Variants in CAPRIN1 observed in about 807,000 individuals in gnomAD.
CAPRIN1 encodes caprin-1.
A neutral mutation model predicts 100.9 loss-of-function variants in CAPRIN1; 29 were observed. That is an observed-to-expected ratio of 0.29 (90% CI 0.21 to 0.39). CAPRIN1 has a LOEUF of 0.39. Among genes scored for constraint, CAPRIN1 ranks in the 10% least tolerant of loss-of-function variants. The pLI, the probability that CAPRIN1 is intolerant of heterozygous loss-of-function variation, is 1.00. For missense variants in CAPRIN1, 795 were observed against 876.7 expected, an observed-to-expected ratio of 0.91 and a Z score of 1.18; for synonymous variants, 338 against 307.5, an observed-to-expected ratio of 1.10 and a Z score of -1.04.
intron 2 of CAPRIN1, among the ~76,000 whole-genome samples, chr11:34,061,192 G>A (rs1850569682): frequency 2.0e-5 from 3 of 147,190 alleles, no homozygotes; most frequent in Non-Finnish European, 3.0e-5. Flanking sequence ...GGAACCTTAG[G>A]TAACATCCTT....
intron 2 of CAPRIN1, chr11:34,056,619 A>G (rs1349158257): frequency 1.7e-4 from 25 of 147,546 alleles, no homozygotes. Flanking sequence ...TTATCAGTTC[A>G]TTGGTGCTGA....
At chr11:34,069,024 G>A (rs934771245) in intron 2 of CAPRIN1, among the ~76,000 whole-genome samples, 1 of 151,840 alleles carries the variant, frequency 6.6e-6, no homozygotes, top group Non-Finnish European at 1.5e-5. Context: ...AATGAACTGT[G>A]TACTAGCACT....
chr11:34,096,350 A>G, intron 15 of CAPRIN1, 129 bp from the exon 16 acceptor site: 2 of 612,374 alleles, frequency 3.3e-6, no homozygotes, highest in South Asian at 4.4e-5. Context: ...TTTTCTTATC[A>G]TTGTATGCAA....
At chr11:34,083,185 CA>C in intron 9 of CAPRIN1, 144 bp downstream of exon 9, 1 of 626,758 alleles carries the variant, frequency 1.6e-6, no homozygotes, top group Non-Finnish European at 2.8e-6. Flanking sequence ...CTGTTACTTC[CA>C]AAAAATGAAT....
At chr11:34,063,562 C>G (rs193280425) in intron 2 of CAPRIN1, among the ~76,000 whole-genome samples, 40 of 152,290 alleles carry the variant, frequency 2.6e-4, no homozygotes, top group Middle Eastern at 3.4e-3. Context: ...TTCCCAGTAC[C>G]ACATGACTCT....
At chr11:34,059,130 A>G (rs1037546656) in intron 2 of CAPRIN1, among the ~76,000 whole-genome samples, 1 of 152,192 alleles carries the variant, frequency 6.6e-6, no homozygotes. Context: ...AACGTGGGTG[A>G]AAGATAATTT....
At chr11:34,084,713 G>A (rs17777885) in intron 9 of CAPRIN1, among the ~76,000 whole-genome samples, 12,512 of 152,154 alleles carry the variant, frequency 0.082, 524 homozygotes, top group Non-Finnish European at 0.092. Flanking sequence ...TGACTAAGTC[G>A]ATGGGATGTA....
chr11:34,097,066 G>A, intron 16 of CAPRIN1, 130 bp from the exon 17 acceptor site: 1 of 673,800 alleles, frequency 1.5e-6, no homozygotes, highest in South Asian at 1.9e-5. Flanking sequence ...GATCAAGATA[G>A]GAAATTGGAG....
In CAPRIN1 at chr11:34,099,601, C is replaced by T. The variant is rs1482459350; in HGVS notation, c.*234C>T. 1.9e-6 allele frequency: 1 copy of T among 518,208 alleles called. No homozygotes were observed. The highest frequency in any genetic ancestry group is 1.9e-5 in the African/African-American group (1 of 52,392). 32.1% of individuals were successfully genotyped at this position (518,208 alleles called of 1,614,324 possible). On this transcript the variant is annotated 3_prime_UTR_variant, in exon 19 of 19. Coordinates refer to ENST00000341394, the MANE Select transcript of CAPRIN1 (RefSeq NM_005898.5). The stretch of plus-strand genomic sequence containing the variant: ...CCTAAGCGTCATCTTGAGCCTTGCA[C>T]ATGATACTCAGATTCCTCACCCTTG...
At chr11:34,082,744 T>C in intron 7 of CAPRIN1, 81 bp from the exon 8 acceptor site, 1 of 938,866 alleles carries the variant, frequency 1.1e-6, no homozygotes, top group Non-Finnish European at 1.7e-6. Flanking sequence ...TAATGACGTG[T>C]ATCTACCAAT....
At chr11:34,087,329 A>ATTTTTTTTTT (rs5790975) in intron 11 of CAPRIN1, among the ~76,000 whole-genome samples, 2 of 96,580 alleles carry the variant, frequency 2.1e-5, no homozygotes, top group Non-Finnish European at 3.8e-5. Context: ...TATCTCTCAC[A>ATTTTTTTTTT]TTTTTTTTTT....
At chr11:34,087,894 T>C (rs1851180938) in intron 11 of CAPRIN1, among the ~76,000 whole-genome samples, 1 of 152,216 alleles carries the variant, frequency 6.6e-6, no homozygotes, top group Non-Finnish European at 1.5e-5. Flanking sequence ...AGATCGTCGT[T>C]TTGATTATCT....
intron 2 of CAPRIN1, among the ~76,000 whole-genome samples, chr11:34,068,146 A>G (rs1565086492): frequency 6.6e-6 from 1 of 152,210 alleles, no homozygotes; most frequent in Non-Finnish European, 1.5e-5. Flanking sequence ...GAGTGGAACC[A>G]CAGGGATTGC....
At position 34,076,617 on chromosome 11, in the gene CAPRIN1, G is replaced by C; in HGVS notation, c.663G>C (p.Lys221Asn). Reference protein sequence around the residue: ...SIHLWDLLEGKEKPVCGTTYK... With the variant: ...SIHLWDLLEGNEKPVCGTTYK... ...ACCTGTGGGACCTGCTGGAAGGGAA[G>C]GAAAAACCTGTATGTGGAACCACCT... The change falls in exon 6 of 19, where the codon AAG (lysine) becomes AAC (asparagine). Residue 221 changes from lysine (K) to asparagine (N), a missense_variant. By Grantham distance (94) the Lys-to-Asn change is moderately conservative (BLOSUM62 0). This residue lies in a region of CAPRIN1 where 648 missense variants were observed against 697.9 expected (regional missense o/e 0.93). Transcript: ENST00000341394. 1 of 1,613,314 alleles carries C rather than the reference G, an allele frequency of 6.2e-7. No homozygotes were observed. The highest frequency in any genetic ancestry group is 8.5e-7 in the Non-Finnish European group (1 of 1,179,440).
At chr11:34,060,136 C>G (rs1051669513) in intron 2 of CAPRIN1, among the ~76,000 whole-genome samples, 1 of 134,742 alleles carries the variant, frequency 7.4e-6, no homozygotes, top group African/African-American at 2.9e-5. Flanking sequence ...GCAGACGTTG[C>G]AGTGAGCCGA....
intron 2 of CAPRIN1, chr11:34,053,596 T>TA (rs55646128): frequency 0.17 from 24,629 of 145,110 alleles, 2,476 homozygotes; most frequent in East Asian, 0.4. Flanking sequence ...GGCCCCCCTC[T>TA]AAAAAAAAAA....
At chr11:34,064,999 G>A (rs1286271827) in intron 2 of CAPRIN1, among the ~76,000 whole-genome samples, 1 of 107,024 alleles carries the variant, frequency 9.3e-6, no homozygotes, top group Non-Finnish European at 1.7e-5. Flanking sequence ...TCGCTCTGTT[G>A]CCCAGGCTGG....
chr11:34,102,411 A>G lies in CAPRIN1; in HGVS notation c.*3044A>G. ...TAAGCATTCTAAATTTTAGTTGATTATAAGTTAGATTTCACAGAATCAGTA... is the reference window on the plus strand; with the variant it reads ...TAAGCATTCTAAATTTTAGTTGATTGTAAGTTAGATTTCACAGAATCAGTA... On this transcript the variant is annotated 3_prime_UTR_variant, in exon 19 of 19. Transcript: ENST00000341394. Among the ~76,000 whole-genome samples the G allele has an allele frequency of 6.6e-6, 1 of 152,214 alleles. No homozygotes were observed. Among genetic ancestry groups the G allele is most frequent in the South Asian group, 2.1e-4 (1 of 4,828 alleles).
At chr11:34,072,251 C>A (rs1232289158) in intron 4 of CAPRIN1, among the ~76,000 whole-genome samples, 1 of 150,482 alleles carries the variant, frequency 6.6e-6, no homozygotes, top group Non-Finnish European at 1.5e-5. Context: ...GGCTGTGGTG[C>A]ATATGATTGT....
Sources: gnomAD v4.1 joint callset for allele counts (sites outside exome capture counted in the v4.1 genomes callset) on GRCh38, gnomAD v4.1.1 for gene constraint, gnomAD v4.1.1 regional missense constraint, MANE v1.5 for transcripts, NCBI Gene and HGNC (gene_info 2026-07-23, HGNC 2026-07-21) for gene names.